KCNT1: variants seen among roughly 807,000 people sequenced by gnomAD.
KCNT1 encodes potassium channel subfamily T member 1.
In KCNT1, 78 loss-of-function variants were observed where a neutral mutation model predicts 147.8. The observed-to-expected ratio is 0.53, with a 90% CI of 0.44 to 0.64. The LOEUF is 0.64. KCNT1 is among the 30% of genes least tolerant of loss of function. KCNT1 has a pLI of 0.00. For missense variants in KCNT1, 1,419 were observed against 1,750.3 expected (o/e 0.81, Z 3.38); for synonymous variants, 867 against 748.8 (o/e 1.16, Z -2.58).
intron 2 of KCNT1, among the ~76,000 whole-genome samples, chr9:135,731,965 T>G (rs1315469909): frequency 6.9e-4 from 11 of 15,828 alleles, no homozygotes; most frequent in African/African-American, 2.7e-3. Flanking sequence ...TGCGTGTATA[T>G]ATATATATAT....
At chr9:135,740,714 G>A (rs539587176) in intron 2 of KCNT1, among the ~76,000 whole-genome samples, 2 of 152,244 alleles carry the variant, frequency 1.3e-5, no homozygotes, top group Non-Finnish European at 2.9e-5. Flanking sequence ...CAGCGAGCCT[G>A]GCCATGGGAG....
At chr9:135,712,294 C>T (rs986307756) in intron 1 of KCNT1, among the ~76,000 whole-genome samples, 1 of 152,206 alleles carries the variant, frequency 6.6e-6, no homozygotes, top group Non-Finnish European at 1.5e-5. Context: ...CTTAAGCCAC[C>T]AAACACAGAA....
intron 1 of KCNT1, among the ~76,000 whole-genome samples, chr9:135,706,559 C>T (rs1433678670): frequency 1.3e-5 from 2 of 152,250 alleles, no homozygotes; most frequent in Non-Finnish European, 2.9e-5. Flanking sequence ...CAGCTGGCCC[C>T]TTGGTGCCCA....
chr9:135,730,348 T>C lies in KCNT1; in HGVS notation c.254+15628T>C, dbSNP rs561725709. ...TCCTGATCCCAGAAACCCATGACTATGTAACCATGCGTGGCGAGGGGGACC... is the reference window on the plus strand; with the variant it reads ...TCCTGATCCCAGAAACCCATGACTACGTAACCATGCGTGGCGAGGGGGACC... On this transcript the variant is annotated intron_variant, in intron 2 of 30. Coordinates refer to ENST00000371757, the MANE Select transcript of KCNT1 (RefSeq NM_020822.3). The surrounding 1 kb of genome is among the most constrained non-coding windows in gnomAD (Gnocchi z 4.7). Among the ~76,000 whole-genome samples the C allele has an allele frequency of 1.4e-4, 21 of 152,288 alleles. No homozygotes were observed. The South Asian group carries it at 2.9e-3, about 21-fold the overall frequency.
intron 2 of KCNT1, among the ~76,000 whole-genome samples, chr9:135,727,055 C>CTT (rs1449491665): frequency 5.9e-5 from 2 of 34,054 alleles, no homozygotes; most frequent in African/African-American, 1.1e-4. Flanking sequence ...CTCTCTCCCT[C>CTT]TCTCCCTCTG....
At position 135,784,656 on chromosome 9, in the gene KCNT1, G is replaced by C. The variant is rs1318997018; in HGVS notation, c.3027+38G>C. On this transcript the variant is annotated intron_variant, in intron 26 of 30. Coordinates refer to ENST00000371757, the MANE Select transcript of KCNT1 (RefSeq NM_020822.3). The stretch of plus-strand genomic sequence containing the variant: ...GGCTGCGCTGGGCTGGGGGCGTGCT[G>C]GGCTGTCCAAGTGGGTGGATGGGCA... 3.1e-6 allele frequency: 5 copies of C among 1,610,858 alleles called. No individual in the cohort carries two copies. In the African/African-American group the frequency reaches 4.0e-5, roughly 13 times the overall value.
chr9:135,785,736 C>A, intron 28 of KCNT1: 1 of 456,818 alleles, frequency 2.2e-6, no homozygotes, highest in South Asian at 2.2e-5. Context: ...GCTCTGGCAC[C>A]CCACGTTCCC....
intron 29 of KCNT1, 80 bp downstream of exon 29, chr9:135,786,601 GGCGTCCC>G: frequency 5.3e-6 from 7 of 1,326,256 alleles, no homozygotes; most frequent in Non-Finnish European, 7.0e-6. Flanking sequence ...AGTCGGCCAC[GGCGTCCC>G]GGGGCCCGGG....
At position 135,786,020 on chromosome 9, in the gene KCNT1, G is replaced by A. The variant is rs1834015808; in HGVS notation, c.3178-177G>A. The A allele has an allele frequency of 1.8e-5, 11 of 607,772 alleles. No homozygotes were observed. The South Asian group carries it at 2.2e-4, about 12-fold the overall frequency. 37.6% of individuals were successfully genotyped at this position (607,772 alleles called of 1,614,324 possible). A position where few individuals can be genotyped will look rare whatever the true frequency, so the allele number is the denominator to read the frequency against. ...GAAACCAGGCACATTCTTTCCAGAGGAGGAAGGCACATGCACCCTGGGGTC... is the reference window on the plus strand; with the variant it reads ...GAAACCAGGCACATTCTTTCCAGAGAAGGAAGGCACATGCACCCTGGGGTC... On this transcript the variant is annotated intron_variant, in intron 28 of 30. Coordinates refer to ENST00000371757, the MANE Select transcript of KCNT1 (RefSeq NM_020822.3).
chr9:135,784,448 G>A, intron 25 of KCNT1, 87 bp from the exon 26 acceptor site: 1 of 995,248 alleles, frequency 1.0e-6, no homozygotes, highest in Admixed American at 2.0e-5. Context: ...GTATGGACCT[G>A]TGTCCCACGC....
intron 13 of KCNT1, among the ~76,000 whole-genome samples, chr9:135,766,450 G>C (rs960494722): frequency 1.3e-5 from 2 of 151,858 alleles, no homozygotes; most frequent in African/African-American, 4.8e-5. Context: ...GTCCTCTGGG[G>C]TAGATCATCA....
intron 19 of KCNT1, among the ~76,000 whole-genome samples, chr9:135,774,822 C>G (rs1285887884): frequency 6.6e-6 from 1 of 152,028 alleles, no homozygotes; most frequent in East Asian, 1.9e-4. Flanking sequence ...CTGGGCTGAC[C>G]AGGTGAGGGG....
intron 24 of KCNT1, among the ~76,000 whole-genome samples, chr9:135,781,123 C>A (rs1055365740): frequency 6.6e-6 from 1 of 152,228 alleles, no homozygotes; most frequent in African/African-American, 2.4e-5. Flanking sequence ...GGGGCGGGTG[C>A]GGCCAGCTCT....
At chr9:135,721,718 G>A (rs772958248) in intron 2 of KCNT1, among the ~76,000 whole-genome samples, 1 of 152,244 alleles carries the variant, frequency 6.6e-6, no homozygotes, top group Non-Finnish European at 1.5e-5. Context: ...ACGGTGTCCT[G>A]AGTGAGTGAA....
intron 4 of KCNT1, among the ~76,000 whole-genome samples, chr9:135,751,755 C>G (rs1303309340): frequency 2.0e-5 from 3 of 152,204 alleles, no homozygotes; most frequent in Non-Finnish European, 4.4e-5. Flanking sequence ...GCCCTCGGTG[C>G]CGGCCTGTCC....
chr9:135,774,149 GTC>G (rs1484958335), intron 19 of KCNT1, among the ~76,000 whole-genome samples: 3 of 151,366 alleles, frequency 2.0e-5, no homozygotes, highest in African/African-American at 7.3e-5. Flanking sequence ...TGTGATGTGT[GTC>G]TGGGTGTGTG....
At chr9:135,755,514 G>A (rs1304250660) in intron 6 of KCNT1, among the ~76,000 whole-genome samples, 2 of 145,132 alleles carry the variant, frequency 1.4e-5, no homozygotes, top group African/African-American at 2.6e-5. Context: ...CAGGCTCAGT[G>A]AGCACTGAGT....
intron 19 of KCNT1, among the ~76,000 whole-genome samples, chr9:135,773,923 C>T (rs961044911): frequency 5.9e-5 from 9 of 151,784 alleles, no homozygotes; most frequent in East Asian, 1.9e-4. Context: ...GCATGGCGGG[C>T]GGGCAGAGCC....
intron 1 of KCNT1, among the ~76,000 whole-genome samples, chr9:135,704,037 C>A (rs1835147183): frequency 6.6e-6 from 1 of 152,238 alleles, no homozygotes; most frequent in Non-Finnish European, 1.5e-5. Flanking sequence ...GAGCGGGGAG[C>A]TGAGCTCCAG....
Sources: allele counts gnomAD v4.1 joint callset (sites outside exome capture counted in the v4.1 genomes callset), GRCh38; gene constraint gnomAD v4.1.1; non-coding constraint Gnocchi (gnomAD v3.1); transcripts MANE v1.5; gene names NCBI Gene and HGNC (gene_info 2026-07-23, HGNC 2026-07-21).